The following NBPF15 variants were observed in gnomAD, a reference collection of about 807,000 sequenced individuals.
The protein encoded by NBPF15 is NBPF family member NBPF15.
Under a neutral mutation model 62.2 loss-of-function variants are expected in NBPF15, and 74 were observed. The ratio of observed to expected loss-of-function variants is 1.19; its 90% confidence interval spans 0.99 to 1.44. NBPF15 has a LOEUF of 1.44. NBPF15 is among the 40% of genes most tolerant of loss of function. The pLI, the probability that NBPF15 is intolerant of heterozygous loss-of-function variation, is 0.00. For synonymous variants in NBPF15, 244 were observed against 209.7 expected, an observed-to-expected ratio of 1.16 and a Z score of -1.41; for missense variants, 790 against 550.0, an observed-to-expected ratio of 1.44 and a Z score of -4.36.
chr1:144,452,168 A>T (rs1229635152), intron 4 of NBPF15, among the ~76,000 whole-genome samples: 1 of 151,974 alleles, frequency 6.6e-6, no homozygotes, highest in Non-Finnish European at 1.5e-5. Context: ...AAAAAGATAA[A>T]ATAAAATAAA....
chr1:144,442,281 G>C (rs587693506), intron 6 of NBPF15, among the ~76,000 whole-genome samples: 1 of 107,008 alleles, frequency 9.3e-6, no homozygotes, highest in African/African-American at 3.8e-5. Flanking sequence ...ATATATACAC[G>C]TGTATATATT....
intron 4 of NBPF15, among the ~76,000 whole-genome samples, 194 bp downstream of exon 4, chr1:144,456,343 G>A (rs1365233700): frequency 1.3e-5 from 2 of 151,984 alleles, no homozygotes; most frequent in Non-Finnish European, 2.9e-5. Context: ...CCTGACGACG[G>A]CACTGCAGGT....
chr1:144,430,534 AC>A lies in NBPF15; in HGVS notation c.825-672del, dbSNP rs1432674187. On this transcript the variant is annotated intron_variant, in intron 13 of 21. Coordinates refer to ENST00000581897, the MANE Select transcript of NBPF15 (RefSeq NM_001385408.1). The stretch of plus-strand genomic sequence containing the variant: ...ACAGAAAGGAATAGCATCAACATCA[AC>A]AAAAAAGACATCCACCCCAAAACCC... 3.9e-4 allele frequency among the ~76,000 whole-genome samples: 58 copies of A among 149,364 alleles called. 2 individuals are homozygous for A. Among genetic ancestry groups the A allele is most frequent in the South Asian group, 8.8e-4 (4 of 4,536 alleles).
chr1:144,428,696 G>C (rs1671839211), intron 14 of NBPF15, 39 bp from the exon 15 acceptor site: 1 of 828,894 alleles, frequency 1.2e-6, no homozygotes, highest in Non-Finnish European at 2.1e-6. Flanking sequence ...ACATTAAGCA[G>C]TTCTTCCTTG....
intron 9 of NBPF15, among the ~76,000 whole-genome samples, chr1:144,437,366 CTTCCTAA>C (rs1422955763): frequency 1.3e-5 from 2 of 150,678 alleles, no homozygotes; most frequent in Admixed American, 6.6e-5. Flanking sequence ...AAGTAGGTGT[CTTCCTAA>C]TTCCGTTTCA....
chr1:144,436,964 G>A lies in NBPF15; in HGVS notation c.424C>T (p.Gln142Ter). Residue 142 changes from glutamine to a stop codon, truncating the protein, a stop_gained, in exon 10 of 22, where the codon CAG becomes TAG. Coordinates refer to ENST00000581897, the MANE Select transcript of NBPF15 (RefSeq NM_001385408.1). LOFTEE classifies it high-confidence loss of function. ...TCAGCCAGCTGTTCTTGGAGGTCCT[G>A]CCCCTGGGACTTGTCCGGCTCATCC... ...TPDEPDKSQG[Q>*]DLQEQLAEGC... 1.2e-6 allele frequency: 2 copies of A among 1,611,808 alleles called. No homozygotes were observed. The highest frequency in any genetic ancestry group is 2.2e-5 in the South Asian group (2 of 90,970).
At chr1:144,444,034 T>C (rs1358423053) in intron 6 of NBPF15, among the ~76,000 whole-genome samples, 5 of 151,982 alleles carry the variant, frequency 3.3e-5, no homozygotes, top group Non-Finnish European at 5.9e-5. Flanking sequence ...TGCATCAATG[T>C]AATTTTAAAA....
chr1:144,423,230 T>C lies in NBPF15; in HGVS notation c.1796A>G (p.Glu599Gly). ...PRLYGVLMEV[E>G]EPEVLQDSLD... ...TGAGTCCTGTAAGACTTCAGGCTCT[T>C]CCACTTCCATCAGCACGCCGTAGAG... Residue 599 changes from glutamate (E) to glycine (G), a missense_variant, in exon 22 of 22, where the codon GAA (glutamate) becomes GGA (glycine). Transcript: ENST00000581897. 1 of 1,611,588 alleles carries C rather than the reference T, an allele frequency of 6.2e-7. No individual in the cohort carries two copies. The highest frequency in any genetic ancestry group is 1.1e-5 in the South Asian group (1 of 90,966).
At chr1:144,458,151 A>G (rs1269836699) in intron 3 of NBPF15, among the ~76,000 whole-genome samples, 4 of 152,094 alleles carry the variant, frequency 2.6e-5, no homozygotes, top group African/African-American at 4.8e-5. Flanking sequence ...TATTGTTTAC[A>G]TCACATCACG....
At chr1:144,426,745 C>T (rs1213464072) in intron 17 of NBPF15, among the ~76,000 whole-genome samples, 1 of 151,754 alleles carries the variant, frequency 6.6e-6, no homozygotes, top group African/African-American at 2.4e-5. Flanking sequence ...GCGCTCGGGA[C>T]ACACAACGAA....
intron 6 of NBPF15, among the ~76,000 whole-genome samples, chr1:144,446,036 T>C (rs1687313521): frequency 6.7e-6 from 1 of 149,870 alleles, no homozygotes; most frequent in Middle Eastern, 3.2e-3. Context: ...TTTGTATTTT[T>C]AGTAGAGATG....
At chr1:144,460,027 T>C (rs1651443362) in intron 2 of NBPF15, among the ~76,000 whole-genome samples, 3 of 36,372 alleles carry the variant, frequency 8.2e-5, no homozygotes, top group Non-Finnish European at 1.8e-4. Flanking sequence ...TTACCTGTAC[T>C]TTTTTTTTTT....
intron 12 of NBPF15, 56 bp downstream of exon 12, chr1:144,435,055 A>G: frequency 6.2e-7 from 1 of 1,611,352 alleles, no homozygotes; most frequent in Non-Finnish European, 8.5e-7. Context: ...CTGTCTTCAG[A>G]GTTTATCTTC....
At chr1:144,458,208 GT>G (rs1649643153) in intron 3 of NBPF15, among the ~76,000 whole-genome samples, 3 of 151,948 alleles carry the variant, frequency 2.0e-5, no homozygotes, top group Admixed American at 2.0e-4. Flanking sequence ...GATCCATAAA[GT>G]TTTCCTGGTA....
chr1:144,446,062 G>A (rs1343454924), intron 6 of NBPF15, among the ~76,000 whole-genome samples: 1 of 150,378 alleles, frequency 6.6e-6, no homozygotes, highest in Non-Finnish European at 1.5e-5. Context: ...TCACTGTTAG[G>A]CATGATGGTC....
intron 13 of NBPF15, among the ~76,000 whole-genome samples, chr1:144,433,297 A>C (rs1414131879): frequency 2.0e-5 from 3 of 152,108 alleles, no homozygotes; most frequent in African/African-American, 7.2e-5. Context: ...GACACATTTA[A>C]AGCAATGTGT....
chr1:144,435,283 A>C lies in NBPF15; in HGVS notation c.600T>G (p.Pro200=), dbSNP rs1677368157. 1 of 1,611,808 alleles carries C rather than the reference A, an allele frequency of 6.2e-7. No individual in the cohort carries two copies. Among genetic ancestry groups the C allele is most frequent in the Non-Finnish European group, 8.5e-7 (1 of 1,179,462 alleles). The part of the protein sequence containing the change: ...EMQKAEEKEV[P]EDSLEECAIT... Reference sequence around the variant, plus strand: ...TGGCACATTCCTCCAGTGAGTCCTCAGGGACTTCCTTTTCTTCAGCCTTCT... The same window carrying C: ...TGGCACATTCCTCCAGTGAGTCCTCCGGGACTTCCTTTTCTTCAGCCTTCT... Residue 200 remains proline (P), a synonymous_variant, in exon 12 of 22, where the codon CCT becomes CCG. Coordinates refer to ENST00000581897, the MANE Select transcript of NBPF15 (RefSeq NM_001385408.1).
intron 6 of NBPF15, among the ~76,000 whole-genome samples, chr1:144,447,974 C>A (rs587721901): frequency 2.6e-5 from 4 of 152,156 alleles, no homozygotes; most frequent in East Asian, 3.9e-4. Context: ...GCAGCATCAG[C>A]CACTGTCGGC....
Position 144,436,974 on chromosome 1 carries a change from C to G in NBPF15, c.414G>C (p.Lys138Asn), listed in dbSNP as rs1553541391. 1.2e-6 allele frequency: 2 copies of G among 1,604,272 alleles called. No individual in the cohort carries two copies. The highest frequency in any genetic ancestry group is 1.1e-5 in the South Asian group (1 of 90,854). Reference protein sequence around the residue: ...QALLTPDEPDKSQGQDLQEQL... With the variant: ...QALLTPDEPDNSQGQDLQEQL... ...GTTCTTGGAGGTCCTGCCCCTGGGA[C>G]TTGTCCGGCTCATCCGGAGTGAGGA... The change falls in exon 10 of 22, where the codon AAG (lysine) becomes AAC (asparagine). Residue 138 changes from lysine (K) to asparagine (N), a missense_variant. Physicochemically the swap from Lys to Asn is moderately conservative, Grantham distance 94. Transcript: ENST00000581897.
Sources: gnomAD v4.1 joint callset for allele counts (sites outside exome capture counted in the v4.1 genomes callset) on GRCh38, gnomAD v4.1.1 for gene constraint, MANE v1.5 for transcripts, NCBI Gene and HGNC (gene_info 2026-07-23, HGNC 2026-07-21) for gene names.